Variants in ASB17 observed in about 807,000 individuals in gnomAD.
ASB17 encodes the protein ankyrin repeat and SOCS box containing 17.
Under a neutral mutation model 25.7 loss-of-function variants are expected in ASB17, and 26 were observed. That is an observed-to-expected ratio of 1.01 (90% CI 0.74 to 1.40). The LOEUF (loss-of-function observed/expected upper bound fraction) is 1.40, where lower values mean the gene tolerates loss of function less well. ASB17 is among the 40% of genes most tolerant of loss of function. ASB17 has a pLI of 0.00. For missense variants in ASB17, 326 were observed against 338.5 expected (o/e 0.96, Z 0.29); for synonymous variants, 128 against 121.4 (o/e 1.05, Z -0.36).
intron 1 of ASB17, among the ~76,000 whole-genome samples, chr1:75,925,989 G>T (rs1653162641): frequency 1.3e-5 from 2 of 152,046 alleles, no homozygotes; most frequent in South Asian, 4.2e-4. Flanking sequence ...CTCTTCCTCT[G>T]CCCTCAACAT....
intron 1 of ASB17, among the ~76,000 whole-genome samples, chr1:75,925,171 T>G (rs1653137583): frequency 6.6e-6 from 1 of 152,126 alleles, no homozygotes; most frequent in South Asian, 2.1e-4. Flanking sequence ...TGACTATATA[T>G]ATGTCATAGT....
Position 75,932,213 on chromosome 1 carries a change from C to A in ASB17, c.79G>T (p.Val27Phe). ...AAAAACTGTAGGGAGGGTCTTTTAA[C>A]AATTTTGTCAAGGAGATTGCAGAAT... ...NIFCNLLDKI[V>F]KRPSLQFLGQ... The change falls in exon 1 of 3, where the codon GTT (valine) becomes TTT (phenylalanine). Residue 27 changes from valine (V) to phenylalanine (F), a missense_variant. By Grantham distance (50) the Val-to-Phe change is conservative. Coordinates refer to ENST00000284142, the MANE Select transcript of ASB17 (RefSeq NM_080868.3). The A allele has an allele frequency of 6.2e-7, 1 of 1,613,984 alleles. No individual in the cohort carries two copies. The highest frequency in any genetic ancestry group is 2.2e-5 in the East Asian group (1 of 44,860).
rs745574099 is a variant in ASB17 at position 75,922,348 on chromosome 1, G to A, written c.413C>T (p.Pro138Leu). Residue 138 changes from proline (P) to leucine (L), a missense_variant, in exon 2 of 3, where the codon CCA (proline) becomes CTA (leucine). Coordinates refer to ENST00000284142, the MANE Select transcript of ASB17 (RefSeq NM_080868.3). ...ACTTAATGGGCTTGGACAGTATACT[G>A]GTGTGAAAGTTCTGTGAATTAAACA... The part of the protein sequence containing the change: ...NLALIWRTFT[P>L]VYCPSPLSGI... The A allele has an allele frequency of 2.7e-5, 43 of 1,583,264 alleles. No individual in the cohort carries two copies. The highest frequency in any genetic ancestry group is 3.6e-5 in the Admixed American group (2 of 55,698).
In ASB17 at chr1:75,932,346, C is replaced by T; in HGVS notation, c.-55G>A. The T allele has an allele frequency of 6.8e-7, 1 of 1,464,886 alleles. No homozygotes were observed. The highest frequency in any genetic ancestry group is 9.2e-7 in the Non-Finnish European group (1 of 1,086,532). The allele number at this position is 1,464,886 out of a possible 1,614,324, so 90.7% of individuals were successfully genotyped here. ...AATCAGAGGTAAGCATACTGTAATC[C>T]TCCAGTTACATATTTTGACAATGTG... On this transcript the variant is annotated 5_prime_UTR_variant, in exon 1 of 3. Transcript: ENST00000284142.
chr1:75,929,526 G>C (rs1653267454), intron 1 of ASB17, among the ~76,000 whole-genome samples: 1 of 152,006 alleles, frequency 6.6e-6, no homozygotes. Flanking sequence ...GCTTCATGTA[G>C]GGTTTTTAAA....
Position 75,922,204 on chromosome 1 carries a change from A to G in ASB17, c.557T>C (p.Val186Ala). 2 of 1,613,928 alleles carry G rather than the reference A, an allele frequency of 1.2e-6. No homozygotes were observed. The highest frequency in any genetic ancestry group is 1.7e-6 in the Non-Finnish European group (2 of 1,179,872). The change falls in exon 2 of 3, where the codon GTA (valine) becomes GCA (alanine). Residue 186 changes from valine to alanine, a missense_variant. Transcript: ENST00000284142. ...TACTCTTACTCTCGAAGGGTAGAGT[A>G]CTATTGTTAAGACAATGTTGATAGG... ...KNPINIVLTI[V>A]LYPSRVRVMV...
chr1:75,931,360 C>G (rs1653317016), intron 1 of ASB17, among the ~76,000 whole-genome samples: 1 of 152,112 alleles, frequency 6.6e-6, no homozygotes, highest in South Asian at 2.1e-4. Flanking sequence ...GACATGTGAA[C>G]ACTATAAAAA....
At chr1:75,924,610 C>G (rs1418859790) in intron 1 of ASB17, among the ~76,000 whole-genome samples, 1 of 151,874 alleles carries the variant, frequency 6.6e-6, no homozygotes, top group African/African-American at 2.4e-5. Context: ...TGTATTATTT[C>G]CTGTATCTCT....
intron 1 of ASB17, among the ~76,000 whole-genome samples, chr1:75,927,315 A>G (rs1298707354): frequency 6.8e-6 from 1 of 147,910 alleles, no homozygotes; most frequent in East Asian, 1.9e-4. Flanking sequence ...TTGTTGCAGC[A>G]GCAACAGGAA....
intron 1 of ASB17, among the ~76,000 whole-genome samples, chr1:75,931,268 T>C (rs1653314670): frequency 6.6e-6 from 1 of 152,194 alleles, no homozygotes; most frequent in African/African-American, 2.4e-5. Context: ...TAACTTTAAA[T>C]TCTATATTAT....
At chr1:75,922,772 A>G (rs1245284442) in intron 1 of ASB17, among the ~76,000 whole-genome samples, 1 of 152,106 alleles carries the variant, frequency 6.6e-6, no homozygotes, top group East Asian at 1.9e-4. Flanking sequence ...CTGGGATTAC[A>G]GGCGTGAGCC....
intron 1 of ASB17, among the ~76,000 whole-genome samples, chr1:75,925,830 A>G (rs1369997121): frequency 6.6e-6 from 1 of 152,088 alleles, no homozygotes; most frequent in Non-Finnish European, 1.5e-5. Flanking sequence ...AATTTGATAG[A>G]TGCTTCTCCA....
chr1:75,919,083 G>C lies in ASB17; in HGVS notation c.757C>G (p.Pro253Ala). 6.2e-7 allele frequency: 1 copy of C among 1,612,284 alleles called. No homozygotes were observed. Among genetic ancestry groups the C allele is most frequent in the Non-Finnish European group, 8.5e-7 (1 of 1,178,630 alleles). Residue 253 changes from proline (P) to alanine (A), a missense_variant, in exon 3 of 3, where the codon CCA (proline) becomes GCA (alanine). Pro to Ala is a conservative substitution (Grantham distance 27, BLOSUM62 -1). Coordinates refer to ENST00000284142, the MANE Select transcript of ASB17 (RefSeq NM_080868.3). ...DYIPSTRYKD[P>A]CELLHLCRLT... is the part of the protein sequence containing the mutation. ...CTGCAAAGATGTAATAGTTCACATG[G>C]ATCTTTGTATCTTGTTGAAGGAATG... is the stretch of plus-strand genomic sequence containing the variant.
At chr1:75,920,819 G>T (rs1653006004) in intron 2 of ASB17, among the ~76,000 whole-genome samples, 1 of 151,936 alleles carries the variant, frequency 6.6e-6, no homozygotes, top group Non-Finnish European at 1.5e-5. Context: ...CTTTCGCCCA[G>T]GCCAGAGTGC....
chr1:75,923,685 G>A (rs1249213114), intron 1 of ASB17, among the ~76,000 whole-genome samples: 1 of 152,124 alleles, frequency 6.6e-6, no homozygotes, highest in Non-Finnish European at 1.5e-5. Context: ...GCAAAAAGGG[G>A]AACTTTAAGA....
At chr1:75,925,992 C>A (rs1407877405) in intron 1 of ASB17, among the ~76,000 whole-genome samples, 1 of 152,156 alleles carries the variant, frequency 6.6e-6, no homozygotes, top group East Asian at 1.9e-4. Context: ...TTCCTCTGCC[C>A]TCAACATCTA....
intron 1 of ASB17, among the ~76,000 whole-genome samples, chr1:75,925,257 T>C (rs1653139570): frequency 6.6e-6 from 1 of 152,100 alleles, no homozygotes; most frequent in African/African-American, 2.4e-5. Context: ...CTTAAACTTT[T>C]CAAAGGCAGT....
At chr1:75,919,512 A>G (rs867271986) in intron 2 of ASB17, among the ~76,000 whole-genome samples, 12 of 152,152 alleles carry the variant, frequency 7.9e-5, no homozygotes, top group South Asian at 2.1e-4. Flanking sequence ...CATTAGGTAT[A>G]TCTCCTAAAG....
Position 75,919,384 on chromosome 1 carries a change from GT to G in ASB17, c.682-227del, listed in dbSNP as rs962921498. Among the ~76,000 whole-genome samples, 305 of 146,418 alleles carry G rather than the reference GT, an allele frequency of 2.1e-3. 2 individuals carry two copies. Among genetic ancestry groups the G allele is most frequent in the African/African-American group, 6.1e-3 (245 of 40,148 alleles). ...ATATGTCTAAGGACACAAGGCAACA[GT>G]TTTTTTTTTTATTATTATACTTTAA... On this transcript the variant is annotated intron_variant, in intron 2 of 2. Coordinates refer to ENST00000284142, the MANE Select transcript of ASB17 (RefSeq NM_080868.3).
Sources: gnomAD v4.1 joint callset for allele counts (sites outside exome capture counted in the v4.1 genomes callset) on GRCh38, gnomAD v4.1.1 for gene constraint, MANE v1.5 for transcripts, NCBI Gene and HGNC (gene_info 2026-07-23, HGNC 2026-07-21) for gene names.